The following RPS6KC1 variants were observed in gnomAD, a reference collection of about 807,000 sequenced individuals.
The protein encoded by RPS6KC1 is inactive ribosomal protein S6 kinase delta-1.
A neutral mutation model predicts 103.8 loss-of-function variants in RPS6KC1; 54 were observed. The ratio of observed to expected loss-of-function variants is 0.52; its 90% CI spans 0.42 to 0.65. RPS6KC1 has a LOEUF of 0.65. Among genes scored for constraint, RPS6KC1 ranks in the 30% least tolerant of loss-of-function variants. The pLI, the probability that RPS6KC1 is intolerant of heterozygous loss-of-function variation, is 0.00. For missense variants in RPS6KC1, 1,151 were observed against 1,253.8 expected (o/e 0.92, Z 1.24); for synonymous variants, 439 against 438.7 (o/e 1.00, Z -0.01).
the RPS6KC1 span, among the ~76,000 whole-genome samples, chr1:213,493,690 T>C: frequency 6.6e-6 from 1 of 152,220 alleles, no homozygotes. Flanking sequence ...CCACACTTCA[T>C]CATTTTACAA....
At chr1:213,171,000 A>G (rs2091431988) in intron 7 of RPS6KC1, among the ~76,000 whole-genome samples, 1 of 152,188 alleles carries the variant, frequency 6.6e-6, no homozygotes, top group African/African-American at 2.4e-5. Context: ...GATTAAGACA[A>G]TAAAGGAACC....
the RPS6KC1 span, among the ~76,000 whole-genome samples, chr1:213,545,429 AT>A: frequency 0.39 from 50,781 of 131,442 alleles, 12,040 homozygotes; most frequent in East Asian, 0.51. Flanking sequence ...ATAAAATAAA[AT>A]AAAAGAGAGA....
At chr1:213,064,384 TG>T (rs1341751061) in intron 1 of RPS6KC1, among the ~76,000 whole-genome samples, 2 of 150,956 alleles carry the variant, frequency 1.3e-5, no homozygotes, top group Admixed American at 6.6e-5. Context: ...TTTTTTTTTT[TG>T]AGGGGTTGTT....
chr1:213,710,999 G>T, the RPS6KC1 span, among the ~76,000 whole-genome samples: 1 of 152,046 alleles, frequency 6.6e-6, no homozygotes, highest in African/African-American at 2.4e-5. Context: ...GTGTCTTGGG[G>T]TTGCTCTTCT....
chr1:213,808,035 G>A, the RPS6KC1 span, among the ~76,000 whole-genome samples: 8 of 152,190 alleles, frequency 5.3e-5, no homozygotes, highest in Non-Finnish European at 1.2e-4. Flanking sequence ...GTTTGCTAGA[G>A]GTCCACTCCA....
the RPS6KC1 span, among the ~76,000 whole-genome samples, chr1:213,639,559 T>C: frequency 5.3e-5 from 8 of 152,176 alleles, no homozygotes; most frequent in South Asian, 1.7e-3. Flanking sequence ...TTCCTCATCA[T>C]GTTAAGGAAG....
the RPS6KC1 span, among the ~76,000 whole-genome samples, chr1:213,812,954 T>C: frequency 6.6e-6 from 1 of 152,232 alleles, no homozygotes; most frequent in East Asian, 1.9e-4. Context: ...AAGCAATTTT[T>C]TATGGCTAAA....
Position 213,153,028 on chromosome 1 carries a change from A to G in RPS6KC1, c.836-14830A>G, listed in dbSNP as rs1401534915. Among the ~76,000 whole-genome samples, 5 of 152,368 alleles carry G rather than the reference A, an allele frequency of 3.3e-5. No homozygotes were observed. In the East Asian group the frequency reaches 9.6e-4, roughly 29 times the overall value. On this transcript the variant is annotated intron_variant, in intron 6 of 14. Coordinates refer to ENST00000366960, the MANE Select transcript of RPS6KC1 (RefSeq NM_012424.6). The stretch of plus-strand genomic sequence containing the variant: ...CGAGGCTGGTGGATCACGTGCGGTT[A>G]GGGGCTGGAGACCGGCCTGGCCAAC...
At chr1:213,346,384 T>C in the RPS6KC1 span, among the ~76,000 whole-genome samples, 4 of 152,070 alleles carry the variant, frequency 2.6e-5, no homozygotes, top group Non-Finnish European at 5.9e-5. Flanking sequence ...CCAATAAAAC[T>C]CCAGAAATAG....
the RPS6KC1 span, among the ~76,000 whole-genome samples, chr1:213,624,817 A>C: frequency 6.6e-6 from 1 of 152,182 alleles, no homozygotes; most frequent in Non-Finnish European, 1.5e-5. Flanking sequence ...AATCTCCTTC[A>C]TGAAGTCTCT....
At position 213,228,075 on chromosome 1, in the gene RPS6KC1, C is replaced by A. The variant is rs2094000978; in HGVS notation, c.1045-2422C>A. Reference sequence around the variant, plus strand: ...CTCGAAGTCTCACTGGGAGACAGACCCCCAAATCGAAGGGTTAGAGATTCT... The same window carrying A: ...CTCGAAGTCTCACTGGGAGACAGACACCCAAATCGAAGGGTTAGAGATTCT... On this transcript the variant is annotated intron_variant, in intron 8 of 14. Coordinates refer to ENST00000366960, the MANE Select transcript of RPS6KC1 (RefSeq NM_012424.6). Among the ~76,000 whole-genome samples, 3 of 152,046 alleles carry A rather than the reference C, an allele frequency of 2.0e-5. 1 individual carries two copies. In the South Asian group the frequency reaches 6.2e-4, roughly 32 times the overall value.
intron 8 of RPS6KC1, among the ~76,000 whole-genome samples, chr1:213,220,692 A>G (rs2093809341): frequency 6.6e-6 from 1 of 152,232 alleles, no homozygotes; most frequent in Non-Finnish European, 1.5e-5. Flanking sequence ...AATATCTTTT[A>G]TACTTATTTT....
intron 3 of RPS6KC1, among the ~76,000 whole-genome samples, chr1:213,100,645 C>G (rs1255763859): frequency 6.6e-6 from 1 of 152,080 alleles, no homozygotes; most frequent in Admixed American, 6.6e-5. Flanking sequence ...TCCATGTGTA[C>G]CCAGTGTTTA....
chr1:213,701,283 G>A, the RPS6KC1 span, among the ~76,000 whole-genome samples: 1 of 151,856 alleles, frequency 6.6e-6, no homozygotes, highest in Non-Finnish European at 1.5e-5. Context: ...ATTTTCTCAA[G>A]TGTTTTTTCA....
chr1:213,480,176 T>G, the RPS6KC1 span, among the ~76,000 whole-genome samples: 2 of 152,064 alleles, frequency 1.3e-5, no homozygotes, highest in African/African-American at 4.8e-5. Context: ...TTACATTGAA[T>G]TTAAAGAATA....
the RPS6KC1 span, among the ~76,000 whole-genome samples, chr1:213,733,022 T>C: frequency 6.6e-6 from 1 of 152,242 alleles, no homozygotes; most frequent in Admixed American, 6.5e-5. Flanking sequence ...GTATACACCA[T>C]ATTTTCTTTA....
At chr1:213,856,176 C>T in the RPS6KC1 span, among the ~76,000 whole-genome samples, 1 of 152,194 alleles carries the variant, frequency 6.6e-6, no homozygotes, top group Admixed American at 6.5e-5. Flanking sequence ...ACCCCTCACA[C>T]ACACACAGTG....
chr1:213,183,743 G>A (rs2092399012), intron 8 of RPS6KC1, among the ~76,000 whole-genome samples: 1 of 151,726 alleles, frequency 6.6e-6, no homozygotes, highest in Admixed American at 6.6e-5. Flanking sequence ...ACTAGAAAAA[G>A]AACAAAATAA....
At chr1:213,841,653 A>G in the RPS6KC1 span, among the ~76,000 whole-genome samples, 1 of 152,164 alleles carries the variant, frequency 6.6e-6, no homozygotes, top group African/African-American at 2.4e-5. Context: ...CCTCATAGAC[A>G]TGTTTCTGCA....
Sources: gnomAD v4.1 joint callset for allele counts (sites outside exome capture counted in the v4.1 genomes callset) on GRCh38, gnomAD v4.1.1 for gene constraint, MANE v1.5 for transcripts, NCBI Gene and HGNC (gene_info 2026-07-23, HGNC 2026-07-21) for gene names.